ZFYVE28: variants seen among roughly 807,000 people sequenced by gnomAD.
The protein encoded by ZFYVE28 is lateral signaling target protein 2 homolog.
ZFYVE28 carries 40 observed loss-of-function variants against 82.1 expected under a neutral mutation model. The observed-to-expected ratio is 0.49, with a 90% CI of 0.38 to 0.63. The LOEUF is 0.63. ZFYVE28 is among the 30% of genes least tolerant of loss of function. The probability of loss-of-function intolerance (pLI) is 0.00; values close to 1 mark genes in which losing one functional copy is unlikely to be tolerated. For missense variants in ZFYVE28, 1,321 were observed against 1,242.1 expected (o/e 1.06, Z -0.96); for synonymous variants, 612 against 546.1 (o/e 1.12, Z -1.68).
intron 1 of ZFYVE28, among the ~76,000 whole-genome samples, chr4:2,401,366 C>T (rs531578954): frequency 3.0e-4 from 46 of 152,188 alleles, no homozygotes; most frequent in Admixed American, 2.1e-3. Flanking sequence ...CTCACACAGG[C>T]GGCTGGGGCT....
chr4:2,281,957 A>G (rs1051399911), intron 8 of ZFYVE28, among the ~76,000 whole-genome samples: 1 of 152,234 alleles, frequency 6.6e-6, no homozygotes, highest in Non-Finnish European at 1.5e-5. Context: ...GGAAGGGAAC[A>G]GTACGGGTGA....
At chr4:2,354,222 A>G in intron 1 of ZFYVE28, 149 bp from the exon 2 acceptor site, 2 of 919,320 alleles carry the variant, frequency 2.2e-6, no homozygotes, top group South Asian at 2.6e-5. Flanking sequence ...TTTCCACACC[A>G]GGATCTAGAG....
chr4:2,403,137 G>T (rs1431335167), intron 1 of ZFYVE28, among the ~76,000 whole-genome samples: 1 of 152,264 alleles, frequency 6.6e-6, no homozygotes, highest in Admixed American at 6.5e-5. Context: ...GCCCAAGCCT[G>T]TGTGGCCCCA....
chr4:2,402,111 G>A (rs983458245), intron 1 of ZFYVE28, among the ~76,000 whole-genome samples: 5 of 152,194 alleles, frequency 3.3e-5, no homozygotes, highest in Admixed American at 2.0e-4. Context: ...TCTCCCTGGC[G>A]CTGGAGGAGG....
chr4:2,352,822 T>G (rs1432524082), intron 2 of ZFYVE28, among the ~76,000 whole-genome samples: 1 of 152,144 alleles, frequency 6.6e-6, no homozygotes, highest in East Asian at 1.9e-4. Flanking sequence ...ACAGAGCATG[T>G]AAAGGGAACA....
intron 8 of ZFYVE28, among the ~76,000 whole-genome samples, chr4:2,278,929 T>C (rs866194746): frequency 3.5e-5 from 5 of 144,046 alleles, no homozygotes; most frequent in Admixed American, 6.9e-5. Context: ...ATTAGAATGT[T>C]CCCCCCCCCC....
intron 1 of ZFYVE28, among the ~76,000 whole-genome samples, chr4:2,371,849 G>A (rs760807708): frequency 2.0e-5 from 3 of 151,448 alleles, no homozygotes; most frequent in East Asian, 3.9e-4. Context: ...CTGGCAGCCC[G>A]CCCCCCACCC....
chr4:2,344,520 C>T (rs901691566), intron 2 of ZFYVE28, among the ~76,000 whole-genome samples: 3 of 152,192 alleles, frequency 2.0e-5, no homozygotes, highest in Non-Finnish European at 2.9e-5. Flanking sequence ...AACTACATCA[C>T]GGAACAACCA....
chr4:2,384,833 C>A (rs1729085772), intron 1 of ZFYVE28, among the ~76,000 whole-genome samples: 1 of 152,226 alleles, frequency 6.6e-6, no homozygotes, highest in Admixed American at 6.5e-5. Context: ...CCTGCCCAAG[C>A]TTCAGCCCAC....
chr4:2,312,660 G>A (rs1322599527), intron 7 of ZFYVE28, among the ~76,000 whole-genome samples: 2 of 151,096 alleles, frequency 1.3e-5, no homozygotes, highest in South Asian at 2.1e-4. Flanking sequence ...CCCAGGAGGC[G>A]GAGCTTGCAG....
chr4:2,346,429 G>GA (rs1723609408), intron 2 of ZFYVE28, among the ~76,000 whole-genome samples: 1 of 151,640 alleles, frequency 6.6e-6, no homozygotes, highest in Non-Finnish European at 1.5e-5. Flanking sequence ...CTATACAAGG[G>GA]AAAAGAGACC....
chr4:2,275,862 A>G (rs17132391), intron 8 of ZFYVE28, among the ~76,000 whole-genome samples: 16,022 of 152,234 alleles, frequency 0.11, 1,677 homozygotes, highest in African/African-American at 0.25. Flanking sequence ...GGTGCTGGGG[A>G]TTCCAGTGAA....
chr4:2,366,765 C>T (rs1226260719), intron 1 of ZFYVE28, among the ~76,000 whole-genome samples: 5 of 152,226 alleles, frequency 3.3e-5, no homozygotes, highest in African/African-American at 1.2e-4. Flanking sequence ...TCCCCAGAAG[C>T]CGGACCCTGG....
At chr4:2,385,341 A>G in intron 1 of ZFYVE28, among the ~76,000 whole-genome samples, 1 of 151,840 alleles carries the variant, frequency 6.6e-6, no homozygotes, top group South Asian at 2.1e-4. Context: ...CAGCGCTGAG[A>G]GAGCACCTGC....
At chr4:2,386,722 C>T (rs1578342045) in intron 1 of ZFYVE28, among the ~76,000 whole-genome samples, 1 of 152,346 alleles carries the variant, frequency 6.6e-6, no homozygotes, top group East Asian at 1.9e-4. Context: ...ACATCTCAGC[C>T]TCCAGGACTG....
intron 4 of ZFYVE28, among the ~76,000 whole-genome samples, chr4:2,337,972 C>A (rs1365142137): frequency 6.6e-6 from 1 of 152,224 alleles, no homozygotes; most frequent in African/African-American, 2.4e-5. Context: ...CCTTGAAACC[C>A]CAGCCCTGCC....
In ZFYVE28 at chr4:2,271,827, T is replaced by A. The variant is rs759227052; in HGVS notation, c.2324-48A>T. On this transcript the variant is annotated intron_variant, in intron 10 of 12. Transcript: ENST00000290974. ...GGGGTATGGTGAGGGAGGCGGGCAA[T>A]TGATGCAGGGTCACCTGCACTTGCT... 19 of 1,564,640 alleles carry A rather than the reference T, an allele frequency of 1.2e-5. No homozygotes were observed. The South Asian group carries it at 2.1e-4, about 17-fold the overall frequency.
At chr4:2,271,515 C>T in intron 11 of ZFYVE28, 101 bp from the exon 12 acceptor site, 8 of 1,452,452 alleles carry the variant, frequency 5.5e-6, no homozygotes, top group Non-Finnish European at 7.7e-6. Flanking sequence ...GACTGCCAAG[C>T]CGCCTGGCCT....
chr4:2,376,984 A>G (rs1248214518), intron 1 of ZFYVE28, among the ~76,000 whole-genome samples: 2 of 152,098 alleles, frequency 1.3e-5, no homozygotes, highest in Admixed American at 6.5e-5. Flanking sequence ...CAAAGCTCTC[A>G]CATCCTATTT....
Sources: gnomAD v4.1 joint callset for allele counts (sites outside exome capture counted in the v4.1 genomes callset) on GRCh38, gnomAD v4.1.1 for gene constraint, MANE v1.5 for transcripts, NCBI Gene and HGNC (gene_info 2026-07-23, HGNC 2026-07-21) for gene names.